The following TRAK1 variants were observed in gnomAD, a reference collection of about 807,000 sequenced individuals.
TRAK1 encodes trafficking kinesin-binding protein 1.
Under a neutral mutation model 92.1 loss-of-function variants are expected in TRAK1, and 33 were observed. The ratio of observed to expected loss-of-function variants is 0.36; its 90% CI spans 0.27 to 0.48. The LOEUF is 0.48. TRAK1 is among the 20% of genes least tolerant of loss of function. The pLI, the probability that TRAK1 is intolerant of heterozygous loss-of-function variation, is 0.99. For missense variants in TRAK1, 1,123 were observed against 1,257.9 expected (o/e 0.89, Z 1.62); for synonymous variants, 521 against 517.3 (o/e 1.01, Z -0.10).
At chr3:42,201,103 T>C (rs1175933592) in intron 12 of TRAK1, 49 bp downstream of exon 12, 1 of 1,561,614 alleles carries the variant, frequency 6.4e-7, no homozygotes, top group Admixed American at 1.7e-5. Context: ...TGAGGAGTGG[T>C]AGTATGGATT....
intron 1 of TRAK1, among the ~76,000 whole-genome samples, chr3:42,048,043 C>G (rs1051813581): frequency 1.3e-5 from 2 of 151,656 alleles, no homozygotes; most frequent in Non-Finnish European, 2.9e-5. Context: ...AGAACTTTGC[C>G]AGCTTCCTTA....
chr3:42,054,832 A>G (rs1703130479), intron 1 of TRAK1, among the ~76,000 whole-genome samples: 1 of 151,110 alleles, frequency 6.6e-6, no homozygotes, highest in Non-Finnish European at 1.5e-5. Flanking sequence ...TTTGTTAATA[A>G]TACAGCTGTG....
chr3:42,203,348 G>C (rs1339022081), intron 13 of TRAK1: 3 of 987,054 alleles, frequency 3.0e-6, no homozygotes, highest in African/African-American at 1.7e-5. Flanking sequence ...CCAGGAAGGG[G>C]TGGCTGTGGA....
chr3:42,029,750 A>G (rs1373283353), intron 1 of TRAK1, among the ~76,000 whole-genome samples: 2 of 151,960 alleles, frequency 1.3e-5, no homozygotes, highest in African/African-American at 4.8e-5. Context: ...AGGTTTTGCC[A>G]TGTTGGCAGG....
At position 42,103,067 on chromosome 3, in the gene TRAK1, G is replaced by A. The variant is rs147588525; in HGVS notation, c.91+11507G>A. The stretch of plus-strand genomic sequence containing the variant: ...TGCAATTATCACCAGTTCAGTTGGT[G>A]AATCTGTTCAATTTCAGAACATTTT... On this transcript the variant is annotated intron_variant, in intron 1 of 15. Coordinates refer to ENST00000327628, the MANE Select transcript of TRAK1 (RefSeq NM_001042646.3). Among the ~76,000 whole-genome samples the A allele has an allele frequency of 4.6e-5, 7 of 152,320 alleles. No homozygotes were observed. In the East Asian group the frequency reaches 9.6e-4, roughly 21 times the overall value.
chr3:42,149,721 A>G (rs1699742972), intron 2 of TRAK1: 1 of 1,265,412 alleles, frequency 7.9e-7, no homozygotes, highest in South Asian at 1.4e-5. Flanking sequence ...TACCAGAACT[A>G]GCACCACTGG....
intron 1 of TRAK1, among the ~76,000 whole-genome samples, chr3:42,056,317 C>A (rs958842997): frequency 6.6e-6 from 1 of 152,184 alleles, no homozygotes; most frequent in Non-Finnish European, 1.5e-5. Context: ...AGTGAGGGTT[C>A]TGGTTTGTCC....
At chr3:42,177,791 C>T (rs1269276361) in intron 3 of TRAK1, among the ~76,000 whole-genome samples, 1 of 152,212 alleles carries the variant, frequency 6.6e-6, no homozygotes, top group Non-Finnish European at 1.5e-5. Context: ...TCCCATGTCT[C>T]TACCGCTGCA....
At chr3:42,106,261 T>C (rs1321939197) in intron 1 of TRAK1, among the ~76,000 whole-genome samples, 1 of 152,148 alleles carries the variant, frequency 6.6e-6, no homozygotes, top group African/African-American at 2.4e-5. Flanking sequence ...CAGTGTGCTG[T>C]ATTCAGGAGA....
At position 42,202,288 on chromosome 3, in the gene TRAK1, T is replaced by C. The variant is rs906587484; in HGVS notation, c.1428-148T>C. 11 of 839,090 alleles carry C rather than the reference T, an allele frequency of 1.3e-5. No homozygotes were observed. Among genetic ancestry groups the C allele is most frequent in the African/African-American group, 1.8e-5 (1 of 54,854 alleles). 52.0% of individuals were successfully genotyped at this position (839,090 alleles called of 1,614,324 possible). A position where few individuals can be genotyped will look rare whatever the true frequency, so the allele number is the denominator to read the frequency against. On this transcript the variant is annotated intron_variant, in intron 12 of 15. Transcript: ENST00000327628. This position sits in a 1 kb window ranked among gnomAD's most constrained non-coding sequence, Gnocchi z 6.1. ...TTCTGGACACGAATTTATTTCCCCCTGTTGCCTAAATGTCAACTGCTTGCC... is the reference window on the plus strand; with the variant it reads ...TTCTGGACACGAATTTATTTCCCCCCGTTGCCTAAATGTCAACTGCTTGCC...
Position 42,210,648 on chromosome 3 carries a change from C to T in TRAK1, c.1963+663C>T, listed in dbSNP as rs1306924713. 14 of 1,006,270 alleles carry T rather than the reference C, an allele frequency of 1.4e-5. No individual in the cohort carries two copies. The South Asian group carries it at 2.3e-4, about 17-fold the overall frequency. The allele number at this position is 1,006,270 out of a possible 1,614,324, so 62.3% of individuals were successfully genotyped here. A position where few individuals can be genotyped will look rare whatever the true frequency, so the allele number is the denominator to read the frequency against. ...GAAAGGCTCAGGATTTCAGACATTT[C>T]ATCAGCCTTTTCACTTTCCCAGCTT... On this transcript the variant is annotated intron_variant, in intron 14 of 15. Transcript: ENST00000327628.
At chr3:42,071,968 G>A (rs938129255) in intron 1 of TRAK1, among the ~76,000 whole-genome samples, 15 of 152,148 alleles carry the variant, frequency 9.9e-5, no homozygotes, top group African/African-American at 3.6e-4. Context: ...ATTCCTCCTG[G>A]TGTCCTGAGA....
intron 13 of TRAK1, 100 bp from the exon 14 acceptor site, chr3:42,209,667 G>C: frequency 8.1e-7 from 1 of 1,240,088 alleles, no homozygotes; most frequent in East Asian, 2.4e-5. Context: ...TGGGGTTCAC[G>C]CTAAGCACTT....
intron 1 of TRAK1, among the ~76,000 whole-genome samples, chr3:42,075,514 T>C (rs1185826116): frequency 1.3e-5 from 2 of 152,164 alleles, no homozygotes; most frequent in African/African-American, 4.8e-5. Flanking sequence ...AGTAATGGGA[T>C]TGTTGCGTTG....
At chr3:42,210,171 G>A (rs780168121) in intron 14 of TRAK1, 186 bp downstream of exon 14, 5 of 1,587,470 alleles carry the variant, frequency 3.1e-6, no homozygotes, top group Non-Finnish European at 2.6e-6. Flanking sequence ...TTTCCCGGAG[G>A]CAGAGTTTTG....
intron 7 of TRAK1, among the ~76,000 whole-genome samples, chr3:42,192,542 G>A (rs1705973899): frequency 6.6e-6 from 1 of 151,076 alleles, no homozygotes; most frequent in African/African-American, 2.4e-5. Flanking sequence ...TTGCATTTCA[G>A]CAAAATAATG....
chr3:42,085,620 C>T (rs1487928370), upstream of TRAK1, among the ~76,000 whole-genome samples: 1 of 152,232 alleles, frequency 6.6e-6, no homozygotes, highest in African/African-American at 2.4e-5. Context: ...AGAACTGACT[C>T]TACCATGTTG....
chr3:42,193,435 G>A (rs1706113997), intron 8 of TRAK1, among the ~76,000 whole-genome samples: 3 of 152,186 alleles, frequency 2.0e-5, no homozygotes, highest in Admixed American at 6.5e-5. Context: ...TCATTAAAAA[G>A]ATGTTGTAAA....
At chr3:42,164,695 A>C (rs962635209) in intron 2 of TRAK1, among the ~76,000 whole-genome samples, 3 of 152,210 alleles carry the variant, frequency 2.0e-5, no homozygotes, top group African/African-American at 7.2e-5. Context: ...GGGAGAGGAA[A>C]TATCCAGGCC....
Sources: allele counts gnomAD v4.1 joint callset (sites outside exome capture counted in the v4.1 genomes callset), GRCh38; gene constraint gnomAD v4.1.1; non-coding constraint Gnocchi (gnomAD v3.1); transcripts MANE v1.5; gene names NCBI Gene and HGNC (gene_info 2026-07-23, HGNC 2026-07-21).